Variants in MCTP2 observed in about 807,000 individuals in gnomAD.
The protein encoded by MCTP2 is multiple C2 and transmembrane domain-containing protein 2.
A neutral mutation model predicts 111.6 loss-of-function variants in MCTP2; 132 were observed. That is an observed-to-expected ratio of 1.18 (90% confidence interval 1.03 to 1.37). The LOEUF (loss-of-function observed/expected upper bound fraction) is 1.37. Ranked by LOEUF, MCTP2 falls within the 40% of genes most tolerant of loss-of-function variation. MCTP2 has a pLI of 0.00. For missense variants in MCTP2, 1,183 were observed against 1,067.9 expected (o/e 1.11, Z -1.50); for synonymous variants, 395 against 387.7 (o/e 1.02, Z -0.22).
chr15:94,475,169 G>C (rs2074253240), intron 21 of MCTP2, among the ~76,000 whole-genome samples: 1 of 152,156 alleles, frequency 6.6e-6, no homozygotes, highest in Non-Finnish European at 1.5e-5. Context: ...ATAACACAGT[G>C]AGAGTATTTC....
intron 14 of MCTP2, among the ~76,000 whole-genome samples, chr15:94,394,892 T>G (rs538428830): frequency 3.9e-5 from 6 of 152,236 alleles, no homozygotes; most frequent in Admixed American, 2.6e-4. Flanking sequence ...TTAGGGATAG[T>G]TGGTTTGGGT....
intron 1 of MCTP2, among the ~76,000 whole-genome samples, chr15:94,236,936 C>G (rs2070612795): frequency 6.6e-6 from 1 of 152,040 alleles, no homozygotes; most frequent in Non-Finnish European, 1.5e-5. Context: ...CACAGGTGAC[C>G]AGGTGGAGGT....
intron 4 of MCTP2, among the ~76,000 whole-genome samples, chr15:94,323,561 T>C (rs1387357542): frequency 6.6e-6 from 1 of 152,176 alleles, no homozygotes; most frequent in African/African-American, 2.4e-5. Flanking sequence ...CATGTGGGCC[T>C]TCAGCCTTGA....
intron 2 of MCTP2, among the ~76,000 whole-genome samples, chr15:94,310,132 C>T (rs1567385872): frequency 6.6e-6 from 1 of 152,144 alleles, no homozygotes; most frequent in Non-Finnish European, 1.5e-5. Context: ...GAACACTACT[C>T]AGCAATAAAA....
intron 1 of MCTP2, among the ~76,000 whole-genome samples, chr15:94,279,758 C>T (rs1267024773): frequency 6.6e-6 from 1 of 151,504 alleles, no homozygotes; most frequent in Non-Finnish European, 1.5e-5. Context: ...GTTTGCTGCT[C>T]TCTTTTTATT....
intron 1 of MCTP2, among the ~76,000 whole-genome samples, chr15:94,286,909 G>A (rs1258093700): frequency 3.3e-5 from 5 of 152,124 alleles, no homozygotes; most frequent in Admixed American, 2.0e-4. Flanking sequence ...TACCAGGTAG[G>A]GTAGCATAGG....
In MCTP2 at chr15:94,370,137, G is replaced by A. The variant is rs1405729928; in HGVS notation, c.1539G>A (p.Val513=). ...TGAAAGACGTCGGCATTCTACAAGT[G>A]AAGGTTTTAAAGGCAGCAGATCTCT... ...KDVKDVGILQ[V]KVLKAADLLA... The change falls in exon 12 of 23, where the codon GTG becomes GTA. Residue 513 remains valine (V), a synonymous_variant. Coordinates refer to ENST00000357742, the MANE Select transcript of MCTP2 (RefSeq NM_001385001.1). 6.2e-7 allele frequency: 1 copy of A among 1,613,520 alleles called. No individual in the cohort carries two copies. The highest frequency in any genetic ancestry group is 1.1e-5 in the South Asian group (1 of 91,038).
intron 10 of MCTP2, among the ~76,000 whole-genome samples, chr15:94,367,237 C>T (rs905399166): frequency 3.9e-5 from 6 of 152,120 alleles, no homozygotes; most frequent in Non-Finnish European, 5.9e-5. Flanking sequence ...TCATAAAAGG[C>T]ACAGCCCACG....
At chr15:94,238,759 G>A (rs2070734964) in intron 1 of MCTP2, among the ~76,000 whole-genome samples, 1 of 152,156 alleles carries the variant, frequency 6.6e-6, no homozygotes. Context: ...AGGCCTGGCA[G>A]GAAGGAGATG....
At chr15:94,298,832 C>G (rs1361825053) in intron 2 of MCTP2, 102 bp downstream of exon 2, 2 of 424,652 alleles carry the variant, frequency 4.7e-6, no homozygotes, top group African/African-American at 8.8e-5. Context: ...TCCCCCCTCC[C>G]CCTCCCTCTC....
chr15:94,420,796 A>C (rs1327948027), intron 17 of MCTP2, among the ~76,000 whole-genome samples: 2 of 152,204 alleles, frequency 1.3e-5, no homozygotes, highest in African/African-American at 2.4e-5. Flanking sequence ...ATGACTTAGA[A>C]TATTCCATCT....
intron 1 of MCTP2, among the ~76,000 whole-genome samples, chr15:94,243,182 CG>C (rs2071190561): frequency 7.1e-6 from 1 of 141,504 alleles, no homozygotes; most frequent in Non-Finnish European, 1.6e-5. Context: ...TACGTATGTA[CG>C]TATGCGTATA....
chr15:94,398,508 C>G (rs2081390863), intron 14 of MCTP2, among the ~76,000 whole-genome samples: 1 of 152,162 alleles, frequency 6.6e-6, no homozygotes, highest in Non-Finnish European at 1.5e-5. Flanking sequence ...GGTTTTTGCA[C>G]CAATATCTTT....
intron 17 of MCTP2, among the ~76,000 whole-genome samples, chr15:94,414,166 T>C (rs79381127): frequency 2.0e-3 from 310 of 152,330 alleles, no homozygotes; most frequent in African/African-American, 7.2e-3. Context: ...ATTATGTGAA[T>C]TGCAGTCTCT....
At chr15:94,243,989 G>C (rs929255736) in intron 1 of MCTP2, among the ~76,000 whole-genome samples, 5 of 145,218 alleles carry the variant, frequency 3.4e-5, no homozygotes, top group African/African-American at 1.3e-4. Context: ...ACATACATAT[G>C]TGTATATATT....
In MCTP2 at chr15:94,479,670, C is replaced by T. The variant is rs2074628238; in HGVS notation, c.*636C>T. 6.6e-6 allele frequency: 1 copy of T among 152,112 alleles called. No homozygotes were observed. The highest frequency in any genetic ancestry group is 2.1e-4 in the South Asian group (1 of 4,818). 9.4% of individuals were successfully genotyped at this position (152,112 alleles called of 1,614,324 possible). The stretch of plus-strand genomic sequence containing the variant: ...CTGGATGCCAGCCTACAGCAGGGTC[C>T]ATTGCTGGCAATGGATGGCCCAGGA... On this transcript the variant is annotated 3_prime_UTR_variant, in exon 23 of 23. Coordinates refer to ENST00000357742, the MANE Select transcript of MCTP2 (RefSeq NM_001385001.1).
chr15:94,470,190 C>T (rs1237485032), intron 20 of MCTP2, 143 bp from the exon 21 acceptor site: 1 of 605,510 alleles, frequency 1.7e-6, no homozygotes, highest in African/African-American at 1.9e-5. Flanking sequence ...GGCAGACTCT[C>T]ATCTTGAGGT....
intron 10 of MCTP2, among the ~76,000 whole-genome samples, chr15:94,361,084 GTTTT>G (rs67774490): frequency 0.13 from 1,086 of 8,360 alleles, 37 homozygotes; most frequent in Non-Finnish European, 0.17. Flanking sequence ...AATATTTCAA[GTTTT>G]TTTTTTTTTT....
At chr15:94,294,121 T>G (rs138325422) in intron 1 of MCTP2, among the ~76,000 whole-genome samples, 98 of 152,284 alleles carry the variant, frequency 6.4e-4, no homozygotes, top group African/African-American at 2.2e-3. Flanking sequence ...CTAAAAGTTA[T>G]ATACTGTGTG....
Sources: gnomAD v4.1 joint callset for allele counts (sites outside exome capture counted in the v4.1 genomes callset) on GRCh38, gnomAD v4.1.1 for gene constraint, MANE v1.5 for transcripts, NCBI Gene and HGNC (gene_info 2026-07-23, HGNC 2026-07-21) for gene names.